Variants in MED23 observed in about 807,000 individuals in gnomAD.
MED23 encodes the protein mediator complex subunit 23, also known as mediator of RNA polymerase II transcription subunit 23.
MED23 carries 105 observed loss-of-function variants against 163.9 expected under a neutral mutation model. That is an observed-to-expected ratio of 0.64 (90% CI 0.55 to 0.75). The LOEUF (loss-of-function observed/expected upper bound fraction) is 0.75, where lower values mean the gene tolerates loss of function less well. MED23 is among the 30% of genes least tolerant of loss of function. MED23 has a pLI of 0.00. For missense variants in MED23, 1,054 were observed against 1,649.0 expected (o/e 0.64, Z 6.25); for synonymous variants, 561 against 565.6 (o/e 0.99, Z 0.12).
At chr6:131,604,377 G>T in intron 14 of MED23, 57 bp from the exon 15 acceptor site, 1 of 1,545,566 alleles carries the variant, frequency 6.5e-7, no homozygotes, top group Non-Finnish European at 8.9e-7. Flanking sequence ...TAAACATAGG[G>T]GCTACTCTAC....
chr6:131,592,395 G>A lies in MED23; in HGVS notation c.3464C>T (p.Ala1155Val). The A allele has an allele frequency of 1.2e-6, 2 of 1,612,088 alleles. No individual in the cohort carries two copies. Among genetic ancestry groups the A allele is most frequent in the Non-Finnish European group, 8.5e-7 (1 of 1,178,254 alleles). ...WMNAIGLIIT[A>V]LPEPYWIVLH... ...TCACAATTATTAACTCACTGGTAGG[G>A]CAGTGATGATCAAACCAATTGCATT... is the stretch of plus-strand genomic sequence containing the variant. Residue 1155 changes from alanine to valine, a missense_variant, in exon 25 of 29, where the codon GCC (alanine) becomes GTC (valine). Around this residue, in one of 11 missense-constraint regions of MED23, gnomAD observed 362 missense variants for 471.6 expected, o/e 0.77. Transcript: ENST00000368068.
At chr6:131,625,818 G>C (rs577200810) in intron 3 of MED23, among the ~76,000 whole-genome samples, 1 of 152,070 alleles carries the variant, frequency 6.6e-6, no homozygotes, top group African/African-American at 2.4e-5. Flanking sequence ...TCTATTGTGA[G>C]GTTATAAGAA....
chr6:131,596,250 T>G lies in MED23; in HGVS notation c.2779-87A>C, dbSNP rs1775039431. On this transcript the variant is annotated intron_variant, in intron 21 of 28. Coordinates refer to ENST00000368068, the MANE Select transcript of MED23 (RefSeq NM_004830.4). ...CTAAATGTGAAAACATTGTTTAGAT[T>G]TTTTTTTGCAAGGAAACATTTAAAA... The G allele has an allele frequency of 5.6e-6, 7 of 1,254,464 alleles. No homozygotes were observed. In the South Asian group the frequency reaches 7.6e-5, roughly 14 times the overall value. The allele number at this position is 1,254,464 out of a possible 1,614,324, so 77.7% of individuals were successfully genotyped here.
chr6:131,591,586 G>A, intron 25 of MED23, 59 bp from the exon 26 acceptor site: 5 of 1,241,496 alleles, frequency 4.0e-6, no homozygotes, highest in Non-Finnish European at 5.9e-6. Flanking sequence ...CCACCCCAAA[G>A]TCTAAAGTAA....
chr6:131,621,954 A>G lies in MED23; in HGVS notation c.422T>C (p.Ile141Thr), dbSNP rs1562405470. ...AGGAATTGTCAAAATCTTCTCCAAA[A>G]TCACTTTTAAGAGATCTCGAACACC... ...YKGVRDLLKV[I>T]LEKILTIPNT... Residue 141 changes from isoleucine to threonine, a missense_variant, in exon 6 of 29, where the codon ATT becomes ACT. Coordinates refer to ENST00000368068, the MANE Select transcript of MED23 (RefSeq NM_004830.4). 2.5e-6 allele frequency: 4 copies of G among 1,613,680 alleles called. No homozygotes were observed. Among genetic ancestry groups the G allele is most frequent in the Non-Finnish European group, 3.4e-6 (4 of 1,179,658 alleles).
chr6:131,583,782 C>T (rs771010341), downstream of MED23: 4 of 1,613,996 alleles, frequency 2.5e-6, no homozygotes, highest in Non-Finnish European at 3.4e-6. Context: ...TGAACCCATC[C>T]CTGGGGAAGA....
rs1562392755 is a variant in MED23, at chr6:131,610,227, A to AG, written c.895_896insC (p.Val299AlafsTer18). On this transcript the variant is annotated frameshift_variant, in exon 11 of 29. Transcript: ENST00000368068. LOFTEE classifies it high-confidence loss of function. Reference sequence around the variant, plus strand: ...CAGATCCACCAACTGGTCCTCCAGCACAGGGCAGCGCTGCTTGTGCTGTAG... The same window carrying AG: ...CAGATCCACCAACTGGTCCTCCAGCAGCAGGGCAGCGCTGCTTGTGCTGTAG... 1.2e-6 allele frequency: 2 copies of AG among 1,613,956 alleles called. No homozygotes were observed. The highest frequency in any genetic ancestry group is 1.7e-6 in the Non-Finnish European group (2 of 1,179,900).
intron 3 of MED23, among the ~76,000 whole-genome samples, chr6:131,625,645 G>T: frequency 6.6e-6 from 1 of 151,958 alleles, no homozygotes; most frequent in East Asian, 1.9e-4. Flanking sequence ...TTTCTTCCTG[G>T]TCTCTCCATT....
chr6:131,589,534 GTAATTTAAATGGGTGCTACA>G lies in MED23; in HGVS notation c.3850_3869del (p.Cys1284HisfsTer6). ...AGAGGAAGTCACAGATGGGATCCAT[GTAATTTAAATGGGTGCTACA>G]CTGGTCAACATTCAGCAGCATGTCA... On this transcript the variant is annotated frameshift_variant, in exon 28 of 29. Transcript: ENST00000368068. LOFTEE classifies it high-confidence loss of function. 1 of 1,613,288 alleles carries G rather than the reference GTAATTTAAATGGGTGCTACA, an allele frequency of 6.2e-7. No individual in the cohort carries two copies. Among genetic ancestry groups the G allele is most frequent in the Non-Finnish European group, 8.5e-7 (1 of 1,179,302 alleles).
downstream of MED23, chr6:131,583,710 A>G: frequency 6.2e-7 from 1 of 1,604,324 alleles, no homozygotes; most frequent in South Asian, 1.1e-5. Flanking sequence ...CAACTATTTT[A>G]TAAATTACAT....
chr6:131,587,716 G>A lies in MED23; in HGVS notation c.4070C>T (p.Ser1357Phe). 1 of 1,614,138 alleles carries A rather than the reference G, an allele frequency of 6.2e-7. No individual in the cohort carries two copies. Among genetic ancestry groups the A allele is most frequent in the Non-Finnish European group, 8.5e-7 (1 of 1,180,004 alleles). ...TGGTAAAGACACGGGCACCTGATTA[G>A]ACTGAGGTGCTGGAGACCCACTGTT... ...AMNSGSPAPQSNQVPVSLPVT... is the reference protein window; with the variant it reads ...AMNSGSPAPQFNQVPVSLPVT... The change falls in exon 29 of 29, where the codon TCT becomes TTT. Residue 1357 changes from serine (S) to phenylalanine (F), a missense_variant. This residue lies in a region of MED23 where 362 missense variants were observed against 471.6 expected (regional missense o/e 0.77). Coordinates refer to ENST00000368068, the MANE Select transcript of MED23 (RefSeq NM_004830.4).
At chr6:131,586,200 C>G (rs1222905834), downstream of MED23, among the ~76,000 whole-genome samples, 3 of 152,180 alleles carry the variant, frequency 2.0e-5, no homozygotes, top group East Asian at 5.8e-4. Flanking sequence ...TGAGACCATC[C>G]TGGCTAACAC....
At chr6:131,608,691 C>A (rs1204623276) in intron 11 of MED23, among the ~76,000 whole-genome samples, 1 of 152,098 alleles carries the variant, frequency 6.6e-6, no homozygotes, top group Non-Finnish European at 1.5e-5. Context: ...CAGGAGTGAG[C>A]CACCCCACCC....
At chr6:131,584,194 G>A, downstream of MED23, 1 of 401,978 alleles carries the variant, frequency 2.5e-6, no homozygotes, top group East Asian at 5.5e-5. Context: ...TTAAAAATAA[G>A]CACACTTACA....
At position 131,598,491 on chromosome 6, in the gene MED23, A is replaced by G; in HGVS notation, c.2427-24T>C. On this transcript the variant is annotated intron_variant, in intron 19 of 28. Coordinates refer to ENST00000368068, the MANE Select transcript of MED23 (RefSeq NM_004830.4). The surrounding 1 kb of genome is among the most constrained non-coding windows in gnomAD (Gnocchi z 4.7). ...CTCTGGAAGGCAGAGAGTAAAACAT[A>G]AACTCCATTGTTGTATGGATACAAC... 6.2e-7 allele frequency: 1 copy of G among 1,614,014 alleles called. No individual in the cohort carries two copies. Among genetic ancestry groups the G allele is most frequent in the Non-Finnish European group, 8.5e-7 (1 of 1,179,926 alleles).
chr6:131,628,264 G>A, upstream of MED23: 2 of 585,126 alleles, frequency 3.4e-6, no homozygotes, highest in Middle Eastern at 4.6e-4. Flanking sequence ...GGTACGCGCC[G>A]TTTGCAAACC....
intron 12 of MED23, among the ~76,000 whole-genome samples, chr6:131,607,332 G>T (rs945838100): frequency 1.3e-5 from 2 of 151,866 alleles, no homozygotes; most frequent in South Asian, 2.1e-4. Flanking sequence ...ATCACCTAAG[G>T]TCAGGAGTTC....
In MED23 at chr6:131,587,597, G is replaced by A. The variant is rs1774261465; in HGVS notation, c.*82C>T. ...ACTGCTTCTACTATATCACTACAGT[G>A]TGATCGCATTCAGATTTAAAAGGTT... On this transcript the variant is annotated 3_prime_UTR_variant, in exon 29 of 29. Coordinates refer to ENST00000368068, the MANE Select transcript of MED23 (RefSeq NM_004830.4). 11 of 1,601,962 alleles carry A rather than the reference G, an allele frequency of 6.9e-6. No individual in the cohort carries two copies. Among genetic ancestry groups the A allele is most frequent in the Admixed American group, 1.7e-5 (1 of 58,464 alleles).
At chr6:131,627,372 A>T in intron 3 of MED23, 24 bp downstream of exon 3, 1 of 1,576,484 alleles carries the variant, frequency 6.3e-7, no homozygotes, top group Non-Finnish European at 8.7e-7. Context: ...CATCAGCTGA[A>T]TGTATTAAAA....
Sources: allele counts gnomAD v4.1 joint callset (sites outside exome capture counted in the v4.1 genomes callset), GRCh38; gene constraint gnomAD v4.1.1; regional missense constraint gnomAD v4.1.1; non-coding constraint Gnocchi (gnomAD v3.1); transcripts MANE v1.5; gene names NCBI Gene and HGNC (gene_info 2026-07-23, HGNC 2026-07-21).